The following SPAG16 variants were observed in gnomAD, a reference collection of about 807,000 sequenced individuals.
The protein encoded by SPAG16 is sperm-associated antigen 16 protein.
A neutral mutation model predicts 80.4 loss-of-function variants in SPAG16; 86 were observed. The observed-to-expected ratio is 1.07, with a 90% CI of 0.90 to 1.28. SPAG16 has a LOEUF of 1.28. Ranked by LOEUF, SPAG16 falls within the 50% of genes most tolerant of loss-of-function variation. SPAG16 has a pLI of 0.00. For missense variants in SPAG16, 870 were observed against 765.3 expected, an observed-to-expected ratio of 1.14 and a Z score of -1.61; for synonymous variants, 294 against 265.9, an observed-to-expected ratio of 1.11 and a Z score of -1.03.
chr2:213,578,822 G>T (rs2060211676), intron 10 of SPAG16, among the ~76,000 whole-genome samples: 1 of 151,748 alleles, frequency 6.6e-6, no homozygotes, highest in African/African-American at 2.4e-5. Context: ...TATCAGCTTT[G>T]TTTTTTCCTT....
At chr2:213,954,660 G>C (rs1286916720) in intron 12 of SPAG16, among the ~76,000 whole-genome samples, 1 of 152,046 alleles carries the variant, frequency 6.6e-6, no homozygotes, top group African/African-American at 2.4e-5. Flanking sequence ...TTTCATTACT[G>C]TTGGGTATAT....
In SPAG16 at chr2:214,188,584, G is replaced by A. The variant is rs562184547; in HGVS notation, c.1720+39318G>A. 7.9e-4 allele frequency among the ~76,000 whole-genome samples: 121 copies of A among 152,218 alleles called. 1 individual carries two copies. The highest frequency in any genetic ancestry group is 3.4e-3 in the Middle Eastern group (1 of 294). ...TTCTTTGGTACCTAATCCACATAGA[G>A]TATTTCTTCATATCCATAAAAATGC... is the stretch of plus-strand genomic sequence containing the variant. On this transcript the variant is annotated intron_variant, in intron 15 of 15. Coordinates refer to ENST00000331683, the MANE Select transcript of SPAG16 (RefSeq NM_024532.5).
intron 13 of SPAG16, among the ~76,000 whole-genome samples, chr2:214,028,719 T>C (rs1455579576): frequency 6.6e-6 from 1 of 152,084 alleles, no homozygotes; most frequent in Admixed American, 6.6e-5. Context: ...ATAATTTTAC[T>C]ATTTACTATA....
At chr2:214,201,599 T>G (rs1255669477) in intron 15 of SPAG16, among the ~76,000 whole-genome samples, 1 of 152,174 alleles carries the variant, frequency 6.6e-6, no homozygotes, top group Non-Finnish European at 1.5e-5. Context: ...TTTCATACAT[T>G]TAACTGGTGT....
At chr2:214,249,332 T>A (rs552209244) in intron 15 of SPAG16, among the ~76,000 whole-genome samples, 2 of 152,056 alleles carry the variant, frequency 1.3e-5, no homozygotes, top group East Asian at 3.9e-4. Flanking sequence ...AATTCAAAAG[T>A]GAAGCCAAAG....
chr2:213,706,378 A>G (rs2065753158), intron 10 of SPAG16, among the ~76,000 whole-genome samples: 1 of 152,248 alleles, frequency 6.6e-6, no homozygotes, highest in Non-Finnish European at 1.5e-5. Context: ...ATTGAATTAA[A>G]CGAGAAGGCT....
At chr2:213,660,302 A>G (rs962737702) in intron 10 of SPAG16, among the ~76,000 whole-genome samples, 4 of 149,582 alleles carry the variant, frequency 2.7e-5, no homozygotes, top group East Asian at 2.0e-4. Flanking sequence ...ACAGAGTCTC[A>G]CTTTGTTGCC....
intron 15 of SPAG16, among the ~76,000 whole-genome samples, chr2:214,320,086 C>T (rs1377608779): frequency 2.0e-5 from 3 of 152,176 alleles, no homozygotes; most frequent in African/African-American, 7.2e-5. Context: ...TGTGTTCTAG[C>T]CCCTACCAAA....
At chr2:213,794,436 G>A (rs1263632301) in intron 10 of SPAG16, among the ~76,000 whole-genome samples, 1 of 152,054 alleles carries the variant, frequency 6.6e-6, no homozygotes, top group Non-Finnish European at 1.5e-5. Context: ...AATAGTAAGG[G>A]CTATTAAGAA....
rs184060549 is a variant in SPAG16, at chr2:213,949,325, C to A, written c.1400+19180C>A. Among the ~76,000 whole-genome samples, 15 of 151,734 alleles carry A rather than the reference C, an allele frequency of 9.9e-5. No homozygotes were observed. In the East Asian group the frequency reaches 2.9e-3, roughly 29 times the overall value. On this transcript the variant is annotated intron_variant, in intron 12 of 15. Transcript: ENST00000331683. Reference sequence around the variant, plus strand: ...ATCTGGGACTACAGGTGTGCCACCACGCCCAGCTAATTTTTGTATTTTTAG... The same window carrying A: ...ATCTGGGACTACAGGTGTGCCACCAAGCCCAGCTAATTTTTGTATTTTTAG...
chr2:213,366,633 A>G (rs985844842), intron 8 of SPAG16, among the ~76,000 whole-genome samples: 1 of 152,116 alleles, frequency 6.6e-6, no homozygotes, highest in South Asian at 2.1e-4. Flanking sequence ...CCATGATTCA[A>G]ATACCTCCCA....
At chr2:213,885,513 T>G (rs889273046) in intron 11 of SPAG16, among the ~76,000 whole-genome samples, 5 of 152,206 alleles carry the variant, frequency 3.3e-5, no homozygotes, top group African/African-American at 7.2e-5. Context: ...CAAAAATTAA[T>G]TAGTTACAGT....
rs1428445647 is a variant in SPAG16, at chr2:214,254,346, G to T, written c.1720+105080G>T. Among the ~76,000 whole-genome samples, 3 of 152,106 alleles carry T rather than the reference G, an allele frequency of 2.0e-5. No homozygotes were observed. The East Asian group carries it at 5.8e-4, about 29-fold the overall frequency. On this transcript the variant is annotated intron_variant, in intron 15 of 15. Transcript: ENST00000331683. ...TGTTGAATAGGAGTGGTAAGAGGGG[G>T]CATCCTTGTCTTGTGCTGGTTTTCA...
At position 213,937,560 on chromosome 2, in the gene SPAG16, G is replaced by A. The variant is rs561464272; in HGVS notation, c.1400+7415G>A. 3.9e-5 allele frequency among the ~76,000 whole-genome samples: 6 copies of A among 151,930 alleles called. No individual in the cohort carries two copies. The East Asian group carries it at 1.2e-3, about 29-fold the overall frequency. ...TGAATTGTTTCCCCTTGACATATGGGCTTGAAATGATGTCTGAGTATTACG... is the reference window on the plus strand; with the variant it reads ...TGAATTGTTTCCCCTTGACATATGGACTTGAAATGATGTCTGAGTATTACG... On this transcript the variant is annotated intron_variant, in intron 12 of 15. Coordinates refer to ENST00000331683, the MANE Select transcript of SPAG16 (RefSeq NM_024532.5).
At chr2:213,896,930 G>A (rs1158676756) in intron 11 of SPAG16, among the ~76,000 whole-genome samples, 3 of 152,018 alleles carry the variant, frequency 2.0e-5, no homozygotes, top group Non-Finnish European at 4.4e-5. Context: ...GAGGGGTAAA[G>A]GGAGGATGAA....
chr2:213,326,464 T>G (rs1247324738), intron 5 of SPAG16, among the ~76,000 whole-genome samples: 1 of 152,048 alleles, frequency 6.6e-6, no homozygotes, highest in Non-Finnish European at 1.5e-5. Flanking sequence ...GCTTGTTAAA[T>G]TAAGAAGGTA....
At chr2:214,397,428 G>A (rs1010168239) in intron 15 of SPAG16, among the ~76,000 whole-genome samples, 4 of 152,244 alleles carry the variant, frequency 2.6e-5, no homozygotes, top group East Asian at 1.9e-4. Context: ...AAAGTGCTGG[G>A]ATTACAGGCG....
At chr2:213,446,775 T>C (rs1172877770) in intron 9 of SPAG16, among the ~76,000 whole-genome samples, 1 of 152,154 alleles carries the variant, frequency 6.6e-6, no homozygotes, top group Non-Finnish European at 1.5e-5. Flanking sequence ...GTTGCCCCGC[T>C]CAACCAGGAG....
chr2:213,453,221 G>A (rs1471274837), intron 9 of SPAG16, among the ~76,000 whole-genome samples: 1 of 152,144 alleles, frequency 6.6e-6, no homozygotes, highest in African/African-American at 2.4e-5. Flanking sequence ...GCTCTGAGAG[G>A]TCTGATACTC....
Sources: gnomAD v4.1 joint callset for allele counts (sites outside exome capture counted in the v4.1 genomes callset) on GRCh38, gnomAD v4.1.1 for gene constraint, MANE v1.5 for transcripts, NCBI Gene and HGNC (gene_info 2026-07-23, HGNC 2026-07-21) for gene names.